The following RNF24 variants were observed in gnomAD, a reference collection of about 807,000 sequenced individuals.
RNF24 encodes ring finger protein 24.
In RNF24, 14 loss-of-function variants were observed where a neutral mutation model predicts 20.0. That is an observed-to-expected ratio of 0.70 (90% CI 0.46 to 1.10). RNF24 has a LOEUF of 1.10. Ranked by LOEUF, RNF24 falls within the 50% of genes least tolerant of loss-of-function variation. The pLI, the probability that RNF24 is intolerant of heterozygous loss-of-function variation, is 0.00. For missense variants in RNF24, 124 were observed against 177.6 expected (o/e 0.70, Z 1.71); for synonymous variants, 45 against 61.1 (o/e 0.74, Z 1.23).
At chr20:4,001,303 C>A (rs1981368494) in intron 1 of RNF24, among the ~76,000 whole-genome samples, 2 of 151,944 alleles carry the variant, frequency 1.3e-5, no homozygotes, top group South Asian at 4.1e-4. Flanking sequence ...TCATGAAGAG[C>A]CAGTTTTTTT....
intron 4 of RNF24, among the ~76,000 whole-genome samples, chr20:3,935,491 C>T (rs1042379495): frequency 1.3e-5 from 2 of 152,200 alleles, no homozygotes; most frequent in Admixed American, 6.5e-5. Context: ...TGAAAGGGAC[C>T]GCTCAAGCCC....
chr20:3,942,328 C>T (rs2090966935), intron 4 of RNF24, among the ~76,000 whole-genome samples: 1 of 150,430 alleles, frequency 6.6e-6, no homozygotes, highest in Non-Finnish European at 1.5e-5. Context: ...GCCACCAGGC[C>T]CAGTTAATTT....
chr20:3,991,678 G>C (rs1980454073), intron 1 of RNF24, among the ~76,000 whole-genome samples: 1 of 151,956 alleles, frequency 6.6e-6, no homozygotes, highest in Admixed American at 6.6e-5. Flanking sequence ...AATGTAGTGA[G>C]GAAAAATTAT....
At chr20:3,977,632 G>A (rs1006621545) in intron 1 of RNF24, among the ~76,000 whole-genome samples, 2 of 152,062 alleles carry the variant, frequency 1.3e-5, no homozygotes, top group Non-Finnish European at 2.9e-5. Flanking sequence ...TTGGGAGGCC[G>A]AGGCGGGCGG....
intron 1 of RNF24, among the ~76,000 whole-genome samples, chr20:3,996,392 A>G (rs1980867115): frequency 6.6e-6 from 1 of 152,216 alleles, no homozygotes; most frequent in Admixed American, 6.5e-5. Flanking sequence ...CTTGTATATT[A>G]GTATATTCTC....
rs1568672521 is a variant in RNF24 at position 4,008,393 on chromosome 20, T to TATA, written c.-8+7041_-8+7043dup. ...TATTATATATATAATATATATATTA[T>TATA]ATATGTAATATGTATAATATATATA... On this transcript the variant is annotated intron_variant, in intron 1 of 5. Coordinates refer to ENST00000358395, the MANE Select transcript of RNF24 (RefSeq NM_001134337.3). 6.4e-3 allele frequency among the ~76,000 whole-genome samples: 147 copies of TATA among 22,864 alleles called. 1 individual carries two copies. Among genetic ancestry groups the TATA allele is most frequent in the African/African-American group, 0.024 (114 of 4,776 alleles). The allele number at this position is 22,864 out of a possible 152,430, so 15.0% of individuals were successfully genotyped here. A position where few individuals can be genotyped will look rare whatever the true frequency, so the allele number is the denominator to read the frequency against.
At chr20:3,994,355 A>T (rs1180499870) in intron 1 of RNF24, among the ~76,000 whole-genome samples, 2 of 152,226 alleles carry the variant, frequency 1.3e-5, no homozygotes, top group Admixed American at 1.3e-4. Context: ...ACAGTCAGTT[A>T]TAACTCCCCG....
rs2146929900 is a variant in RNF24 at position 3,931,454 on chromosome 20, T to A, written c.*2609A>T. On this transcript the variant is annotated 3_prime_UTR_variant, in exon 6 of 6. Coordinates refer to ENST00000358395, the MANE Select transcript of RNF24 (RefSeq NM_001134337.3). Reference sequence around the variant, plus strand: ...AAAAACCCTGCGATTTTAATGAGAATTAAAGGAGGATGTAAATTAAAAGGC... The same window carrying A: ...AAAAACCCTGCGATTTTAATGAGAAATAAAGGAGGATGTAAATTAAAAGGC... 6.6e-6 allele frequency: 1 copy of A among 152,260 alleles called. No individual in the cohort carries two copies. Among genetic ancestry groups the A allele is most frequent in the African/African-American group, 2.4e-5 (1 of 41,552 alleles). The allele number at this position is 152,260 out of a possible 1,614,324, so 9.4% of individuals were successfully genotyped here.
At chr20:3,994,936 G>A (rs780723694) in intron 1 of RNF24, among the ~76,000 whole-genome samples, 1 of 152,290 alleles carries the variant, frequency 6.6e-6, no homozygotes, top group Non-Finnish European at 1.5e-5. Flanking sequence ...ACAGCAACAA[G>A]CTAACAAATG....
chr20:3,931,779 G>C lies in RNF24; in HGVS notation c.*2284C>G, dbSNP rs241603. 1.3e-5 allele frequency: 2 copies of C among 152,050 alleles called. No individual in the cohort carries two copies. The highest frequency in any genetic ancestry group is 4.8e-5 in the African/African-American group (2 of 41,370). The allele number at this position is 152,050 out of a possible 1,614,324, so 9.4% of individuals were successfully genotyped here. A position where few individuals can be genotyped will look rare whatever the true frequency, so the allele number is the denominator to read the frequency against. On this transcript the variant is annotated 3_prime_UTR_variant, in exon 6 of 6. Transcript: ENST00000358395. ...CTCATCTGGGCAAAGCAGACCCAAGGTGGTGCTGAGTGCAGAGTGCAGAGC... is the reference window on the plus strand; with the variant it reads ...CTCATCTGGGCAAAGCAGACCCAAGCTGGTGCTGAGTGCAGAGTGCAGAGC...
In RNF24 at chr20:3,931,567, A is replaced by G. The variant is rs1038965191; in HGVS notation, c.*2496T>C. On this transcript the variant is annotated 3_prime_UTR_variant, in exon 6 of 6. Transcript: ENST00000358395. The stretch of plus-strand genomic sequence containing the variant: ...GAGCAAATATTCGGGTTGTGTTGCT[A>G]AGAGTCGCAGGAACTACTGCTAGTG... The G allele has an allele frequency of 2.0e-5, 3 of 152,214 alleles. No individual in the cohort carries two copies. Among genetic ancestry groups the G allele is most frequent in the Non-Finnish European group, 2.9e-5 (2 of 68,048 alleles). 9.4% of individuals were successfully genotyped at this position (152,214 alleles called of 1,614,324 possible). A position where few individuals can be genotyped will look rare whatever the true frequency, so the allele number is the denominator to read the frequency against.
chr20:3,984,503 G>T, intron 1 of RNF24, among the ~76,000 whole-genome samples: 1 of 152,102 alleles, frequency 6.6e-6, no homozygotes, highest in East Asian at 1.9e-4. Flanking sequence ...TTCCTTTAAG[G>T]TGCTCTAGTC....
Position 3,934,373 on chromosome 20 carries a change from G to C in RNF24, c.309-172C>G, listed in dbSNP as rs889095928. 2.0e-5 allele frequency among the ~76,000 whole-genome samples: 3 copies of C among 152,028 alleles called. No homozygotes were observed. The highest frequency in any genetic ancestry group is 4.8e-5 in the African/African-American group (2 of 41,398). Reference sequence around the variant, plus strand: ...CCCCTGGAGAGAGGGAAGAGACAGAGAGAAGGAGTGGGGAGAGGCCAAGGG... The same window carrying C: ...CCCCTGGAGAGAGGGAAGAGACAGACAGAAGGAGTGGGGAGAGGCCAAGGG... On this transcript the variant is annotated intron_variant, in intron 5 of 5. Transcript: ENST00000358395. This position sits in a 1 kb window ranked among gnomAD's most constrained non-coding sequence, Gnocchi z 4.0.
At chr20:3,953,759 GTTTT>G (rs66825220) in intron 2 of RNF24, among the ~76,000 whole-genome samples, 9 of 138,656 alleles carry the variant, frequency 6.5e-5, no homozygotes, top group South Asian at 4.6e-4. Flanking sequence ...TCTTGTAGTA[GTTTT>G]TTTTTTTTTT....
intron 4 of RNF24, among the ~76,000 whole-genome samples, chr20:3,942,456 A>T (rs943323116): frequency 6.6e-6 from 1 of 151,352 alleles, no homozygotes; most frequent in Non-Finnish European, 1.5e-5. Context: ...AGTGTGAACC[A>T]CCGTGTCCGG....
At position 3,963,230 on chromosome 20, in the gene RNF24, T is replaced by C. The variant is rs189314081; in HGVS notation, c.143+645A>G. 4.6e-3 allele frequency among the ~76,000 whole-genome samples: 706 copies of C among 152,312 alleles called. 2 individuals carry two copies. The highest frequency in any genetic ancestry group is 0.024 in the Middle Eastern group (7 of 294). On this transcript the variant is annotated intron_variant, in intron 2 of 5. Coordinates refer to ENST00000358395, the MANE Select transcript of RNF24 (RefSeq NM_001134337.3). ...TTTTTTGAGACAGAGTCTCGCTCTG[T>C]TGCCTAGGCTGGAGTGCAATGGCAC...
intron 1 of RNF24, among the ~76,000 whole-genome samples, chr20:3,972,780 G>A (rs1372162396): frequency 6.6e-6 from 1 of 152,070 alleles, no homozygotes. Flanking sequence ...GCACGCACCT[G>A]TAGTCCCAGT....
At chr20:3,969,797 C>T (rs868778175) in intron 1 of RNF24, among the ~76,000 whole-genome samples, 2 of 133,126 alleles carry the variant, frequency 1.5e-5, no homozygotes, top group Non-Finnish European at 3.1e-5. Flanking sequence ...TTTGAGATGG[C>T]GTCTTGCTCT....
intron 1 of RNF24, among the ~76,000 whole-genome samples, chr20:4,013,894 A>G (rs983875452): frequency 5.9e-5 from 9 of 152,378 alleles, no homozygotes; most frequent in Admixed American, 1.3e-4. Flanking sequence ...ATGCAACCAG[A>G]GTTAACAACT....
Sources: gnomAD v4.1 joint callset for allele counts (sites outside exome capture counted in the v4.1 genomes callset) on GRCh38, gnomAD v4.1.1 for gene constraint, Gnocchi (gnomAD v3.1) non-coding constraint, MANE v1.5 for transcripts, NCBI Gene and HGNC (gene_info 2026-07-23, HGNC 2026-07-21) for gene names.